Variants in PDE1C observed in about 807,000 individuals in gnomAD.
The protein encoded by PDE1C is phosphodiesterase 1C.
A neutral mutation model predicts 93.1 loss-of-function variants in PDE1C; 62 were observed. The ratio of observed to expected loss-of-function variants is 0.67; its 90% CI spans 0.54 to 0.82. The LOEUF (loss-of-function observed/expected upper bound fraction) is 0.82. Ranked by LOEUF, PDE1C falls within the 40% of genes least tolerant of loss-of-function variation. The probability of loss-of-function intolerance (pLI) is 0.00; values close to 1 mark genes in which losing one functional copy is unlikely to be tolerated. For synonymous variants in PDE1C, 325 were observed against 310.1 expected (o/e 1.05, Z -0.50); for missense variants, 742 against 884.6 (o/e 0.84, Z 2.04).
chr7:32,015,343 C>G (rs1787747691), intron 2 of PDE1C, among the ~76,000 whole-genome samples: 1 of 151,616 alleles, frequency 6.6e-6, no homozygotes, highest in South Asian at 2.1e-4. Flanking sequence ...AACCATACAA[C>G]TGGGAGGAGA....
At chr7:31,789,941 G>A (rs1784390181) in intron 16 of PDE1C, 2 of 1,179,912 alleles carry the variant, frequency 1.7e-6, no homozygotes, top group Non-Finnish European at 2.1e-6. Context: ...CATTAGCAAA[G>A]GATTTTGAGG....
intron 1 of PDE1C, among the ~76,000 whole-genome samples, chr7:32,307,590 A>G (rs7779180): frequency 0.22 from 33,209 of 152,134 alleles, 3,763 homozygotes; most frequent in African/African-American, 0.25. Context: ...AACTTACTAG[A>G]TGGAGACATG....
intron 14 of PDE1C, among the ~76,000 whole-genome samples, chr7:31,818,501 G>A (rs755199765): frequency 7.9e-5 from 12 of 152,174 alleles, no homozygotes; most frequent in South Asian, 2.1e-4. Flanking sequence ...TGTACCCTAC[G>A]GGTGTGATTT....
chr7:31,642,730 A>C, the PDE1C span: 1 of 1,614,004 alleles, frequency 6.2e-7, no homozygotes, highest in Non-Finnish European at 8.5e-7. Context: ...TGGAGGTAGA[A>C]AGCCAAGAGA....
chr7:32,137,917 T>G (rs1261588338), intron 3 of PDE1C, among the ~76,000 whole-genome samples: 6 of 152,202 alleles, frequency 3.9e-5, no homozygotes, highest in Non-Finnish European at 1.5e-5. Context: ...ATTGGTCAAT[T>G]GTGTCATAAT....
chr7:31,937,303 T>G lies in PDE1C; in HGVS notation c.129-56443A>C, dbSNP rs532534677. On this transcript the variant is annotated intron_variant, in intron 2 of 17. Coordinates refer to ENST00000396191, the MANE Select transcript of PDE1C (RefSeq NM_001191057.4). ...CATTTCAAAATATGTCAAAGAAATA[T>G]ATTGTGGGGTAAAATACTTTTATTT... Among the ~76,000 whole-genome samples the G allele has an allele frequency of 7.5e-4, 114 of 152,270 alleles. 2 individuals carry two copies. The highest frequency in any genetic ancestry group is 7.4e-3 in the Admixed American group (113 of 15,292).
At chr7:32,157,930 G>A (rs1270184221) in intron 3 of PDE1C, among the ~76,000 whole-genome samples, 1 of 152,196 alleles carries the variant, frequency 6.6e-6, no homozygotes, top group African/African-American at 2.4e-5. Context: ...ACAAGTACCT[G>A]TAAGTTGGCT....
chr7:31,803,441 A>T (rs1786345240), intron 16 of PDE1C, among the ~76,000 whole-genome samples: 1 of 151,510 alleles, frequency 6.6e-6, no homozygotes, highest in African/African-American at 2.4e-5. Context: ...TTTAGGGTAC[A>T]TGTGCACAAC....
At chr7:32,385,152 GA>G (rs1392190685) in intron 1 of PDE1C, among the ~76,000 whole-genome samples, 1 of 152,222 alleles carries the variant, frequency 6.6e-6, no homozygotes, top group Non-Finnish European at 1.5e-5. Context: ...CATTCATCAA[GA>G]TGGGGCAGAG....
intron 5 of PDE1C, among the ~76,000 whole-genome samples, chr7:31,873,909 A>G (rs1033643958): frequency 5.3e-5 from 8 of 152,160 alleles, no homozygotes; most frequent in African/African-American, 1.9e-4. Context: ...TCTTCTCTGA[A>G]CTTCTCTGCA....
intron 2 of PDE1C, among the ~76,000 whole-genome samples, chr7:32,201,865 A>G (rs1805037734): frequency 6.6e-6 from 1 of 152,208 alleles, no homozygotes; most frequent in African/African-American, 2.4e-5. Context: ...TCTTCAGTCA[A>G]GCTCTGCTTT....
chr7:32,304,671 C>T (rs963655011), intron 1 of PDE1C, among the ~76,000 whole-genome samples: 1 of 151,994 alleles, frequency 6.6e-6, no homozygotes, highest in African/African-American at 2.4e-5. Context: ...CCTCTACTTG[C>T]TAGCTGTGTG....
chr7:31,915,018 C>T (rs1009681030), intron 2 of PDE1C, among the ~76,000 whole-genome samples: 5 of 152,200 alleles, frequency 3.3e-5, no homozygotes, highest in Non-Finnish European at 1.5e-5. Context: ...GCTGAACACA[C>T]CGCCTGATGT....
intron 17 of PDE1C, among the ~76,000 whole-genome samples, chr7:31,761,767 T>G (rs1383529032): frequency 6.6e-6 from 1 of 152,212 alleles, no homozygotes; most frequent in East Asian, 1.9e-4. Context: ...GTTTCAAAAC[T>G]ACTGTCTTCA....
At chr7:32,133,729 C>A (rs994788765) in intron 3 of PDE1C, among the ~76,000 whole-genome samples, 1 of 152,084 alleles carries the variant, frequency 6.6e-6, no homozygotes, top group Non-Finnish European at 1.5e-5. Context: ...AATCTAGAAT[C>A]TCTGCAATAC....
the PDE1C span, among the ~76,000 whole-genome samples, chr7:31,712,738 G>T: frequency 6.6e-6 from 1 of 152,184 alleles, no homozygotes; most frequent in African/African-American, 2.4e-5. Flanking sequence ...GGCTGGGGAG[G>T]CCTCACAATC....
chr7:31,624,893 C>T, the PDE1C span, among the ~76,000 whole-genome samples: 3 of 152,100 alleles, frequency 2.0e-5, no homozygotes, highest in Non-Finnish European at 4.4e-5. Flanking sequence ...GGCTAATATC[C>T]AGAATCTACA....
intron 2 of PDE1C, among the ~76,000 whole-genome samples, chr7:31,975,577 T>A (rs568164004): frequency 3.7e-4 from 56 of 150,900 alleles, no homozygotes; most frequent in African/African-American, 5.8e-4. Flanking sequence ...ATATCTAATT[T>A]TATATATATA....
chr7:32,299,197 A>G, exon 1 of PDE1C: 1 of 992,158 alleles, frequency 1.0e-6, no homozygotes. Flanking sequence ...GGAATGGCTG[A>G]ATTGGCGTCG....
Sources: gnomAD v4.1 joint callset for allele counts (sites outside exome capture counted in the v4.1 genomes callset) on GRCh38, gnomAD v4.1.1 for gene constraint, MANE v1.5 for transcripts, NCBI Gene and HGNC (gene_info 2026-07-23, HGNC 2026-07-21) for gene names.